The following MLKL variants were observed in gnomAD, a reference collection of about 807,000 sequenced individuals.
MLKL encodes mixed lineage kinase domain-like protein.
A neutral mutation model predicts 56.5 loss-of-function variants in MLKL; 55 were observed. The observed-to-expected ratio is 0.97, with a 90% CI of 0.78 to 1.22. The LOEUF (loss-of-function observed/expected upper bound fraction) is 1.22, where lower values mean the gene tolerates loss of function less well. Ranked by LOEUF, MLKL falls within the 50% of genes most tolerant of loss-of-function variation. The probability of loss-of-function intolerance (pLI) is 0.00; values close to 1 mark genes in which losing one functional copy is unlikely to be tolerated. For synonymous variants in MLKL, 251 were observed against 208.3 expected (o/e 1.20, Z -1.76); for missense variants, 694 against 573.9 (o/e 1.21, Z -2.14).
In MLKL at chr16:74,692,303, TGGG is replaced by T. The variant is rs530093603; in HGVS notation, c.535+36_535+38del. 5.2e-3 allele frequency: 8,092 copies of T among 1,568,570 alleles called. 36 individuals carry two copies. Among genetic ancestry groups the T allele is most frequent in the Non-Finnish European group, 6.6e-3 (7,524 of 1,142,808 alleles). ...CCCAGTAAACTGATGACTTCTAGTTTGGGGGCCATCAGAAACAGCAGGGCACAT... is the reference window on the plus strand; with the variant it reads ...CCCAGTAAACTGATGACTTCTAGTTTGGCCATCAGAAACAGCAGGGCACAT... On this transcript the variant is annotated intron_variant, in intron 3 of 10. Coordinates refer to ENST00000308807, the MANE Select transcript of MLKL (RefSeq NM_152649.4).
intron 6 of MLKL, 143 bp from the exon 7 acceptor site, chr16:74,679,123 C>T: frequency 1.6e-6 from 1 of 642,850 alleles, no homozygotes; most frequent in Non-Finnish European, 2.8e-6. Flanking sequence ...GATGTAGAGG[C>T]AAGGTTTGAG....
At chr16:74,699,914 C>G (rs1338055307) in intron 1 of MLKL, among the ~76,000 whole-genome samples, 1 of 152,008 alleles carries the variant, frequency 6.6e-6, no homozygotes, top group African/African-American at 2.4e-5. Context: ...TGCGCTCCAG[C>G]CTGGGCAACA....
intron 4 of MLKL, among the ~76,000 whole-genome samples, chr16:74,689,111 C>CT (rs940207369): frequency 5.2e-4 from 75 of 144,606 alleles, no homozygotes; most frequent in East Asian, 2.8e-3. Flanking sequence ...TTCCTTTTTT[C>CT]TTTTTTTTTT....
intron 7 of MLKL, chr16:74,676,027 GT>G: frequency 2.2e-6 from 1 of 457,114 alleles, no homozygotes; most frequent in Non-Finnish European, 3.8e-6. Context: ...TGAGATAATG[GT>G]TATAAAGCAC....
At chr16:74,685,686 C>A in intron 4 of MLKL, 103 bp from the exon 5 acceptor site, 1 of 840,854 alleles carries the variant, frequency 1.2e-6, no homozygotes, top group South Asian at 1.5e-5. Context: ...GGGGTATCAG[C>A]ATCTGGGGTG....
intron 7 of MLKL, 124 bp from the exon 8 acceptor site, chr16:74,675,888 C>T (rs541927869): frequency 5.5e-5 from 58 of 1,052,508 alleles, no homozygotes; most frequent in African/African-American, 4.9e-4. Flanking sequence ...TATTTCCTGT[C>T]GTGACTTCTG....
At chr16:74,685,357 C>A in intron 5 of MLKL, 129 bp downstream of exon 5, 9 of 688,338 alleles carry the variant, frequency 1.3e-5, no homozygotes, top group East Asian at 5.6e-5. Context: ...AAAAAATTAA[C>A]ATTGATAATA....
At position 74,695,863 on chromosome 16, in the gene MLKL, G is replaced by A. The variant is rs1961007248; in HGVS notation, c.-2-104C>T. The A allele has an allele frequency of 2.9e-5, 29 of 996,664 alleles. No individual in the cohort carries two copies. In the South Asian group the frequency reaches 4.9e-4, roughly 17 times the overall value. 61.7% of individuals were successfully genotyped at this position (996,664 alleles called of 1,614,324 possible). On this transcript the variant is annotated intron_variant, in intron 1 of 10. Coordinates refer to ENST00000308807, the MANE Select transcript of MLKL (RefSeq NM_152649.4). ...GGTCTGTGACTTAAATGCCTGAGGA[G>A]GTCTCCCCAGCATTTTCATGCAAGA...
intron 6 of MLKL, among the ~76,000 whole-genome samples, chr16:74,680,661 C>T (rs1363960641): frequency 1.3e-5 from 2 of 152,182 alleles, no homozygotes; most frequent in African/African-American, 2.4e-5. Context: ...TGCGTGCCAT[C>T]ACGCCCAGCT....
chr16:74,697,465 A>T (rs1258697218), intron 1 of MLKL, among the ~76,000 whole-genome samples: 1 of 152,186 alleles, frequency 6.6e-6, no homozygotes, highest in East Asian at 1.9e-4. Flanking sequence ...AATAATTATG[A>T]CACTAGATCT....
intron 4 of MLKL, among the ~76,000 whole-genome samples, chr16:74,690,733 G>T (rs887805771): frequency 8.5e-6 from 1 of 118,282 alleles, no homozygotes; most frequent in African/African-American, 3.3e-5. Context: ...AATGAGCTAT[G>T]ATCTCACCAC....
intron 1 of MLKL, among the ~76,000 whole-genome samples, chr16:74,699,592 C>T (rs1029450350): frequency 6.6e-6 from 1 of 152,056 alleles, no homozygotes; most frequent in African/African-American, 2.4e-5. Flanking sequence ...TAGATGGCTA[C>T]CGAGATGTTC....
rs907878508 is a variant in MLKL at position 74,675,118 on chromosome 16, A to G, written c.1241-18T>C. On this transcript the variant is annotated intron_variant, in intron 9 of 10. Transcript: ENST00000308807. ...ATTACAGCCTGGAAATGATAGCATG[A>G]GAGCCTCAAAAAATTGCTCCGCTAC... The G allele has an allele frequency of 2.7e-5, 44 of 1,612,828 alleles. No individual in the cohort carries two copies. The highest frequency in any genetic ancestry group is 3.5e-5 in the Non-Finnish European group (41 of 1,179,284).
At chr16:74,694,410 AT>A (rs1416835281) in intron 2 of MLKL, among the ~76,000 whole-genome samples, 2 of 152,068 alleles carry the variant, frequency 1.3e-5, no homozygotes, top group Non-Finnish European at 2.9e-5. Flanking sequence ...GGCCCCCTCC[AT>A]CCTTTGTTTT....
intron 6 of MLKL, 109 bp downstream of exon 6, chr16:74,682,542 G>A (rs1960039404): frequency 6.9e-7 from 1 of 1,439,738 alleles, no homozygotes; most frequent in Non-Finnish European, 9.5e-7. Flanking sequence ...CAGTGTATGG[G>A]AGGGAGACTG....
intron 10 of MLKL, 42 bp from the exon 11 acceptor site, chr16:74,672,580 T>C: frequency 1.3e-6 from 2 of 1,583,104 alleles, no homozygotes; most frequent in South Asian, 1.1e-5. Flanking sequence ...GGTAGGCAGC[T>C]GAGAGCCAAG....
intron 6 of MLKL, among the ~76,000 whole-genome samples, chr16:74,681,306 G>A (rs533967994): frequency 3.9e-5 from 6 of 152,276 alleles, no homozygotes; most frequent in African/African-American, 9.6e-5. Context: ...GATTATGGGC[G>A]TGAGCCACTG....
At chr16:74,688,195 C>G (rs1049722660) in intron 4 of MLKL, among the ~76,000 whole-genome samples, 3 of 151,878 alleles carry the variant, frequency 2.0e-5, no homozygotes, top group African/African-American at 7.3e-5. Flanking sequence ...GTCTCAAACT[C>G]CTGACCTCAA....
chr16:74,693,822 C>T (rs1960843596), intron 2 of MLKL, among the ~76,000 whole-genome samples: 1 of 152,122 alleles, frequency 6.6e-6, no homozygotes, highest in South Asian at 2.1e-4. Flanking sequence ...CCAGGATGGT[C>T]TCAATCTCCT....
Sources: gnomAD v4.1 joint callset for allele counts (sites outside exome capture counted in the v4.1 genomes callset) on GRCh38, gnomAD v4.1.1 for gene constraint, MANE v1.5 for transcripts, NCBI Gene and HGNC (gene_info 2026-07-23, HGNC 2026-07-21) for gene names.